The following TTC28 variants were observed in gnomAD, a reference collection of about 807,000 sequenced individuals.
TTC28 encodes the protein tetratricopeptide repeat protein 28.
TTC28 carries 61 observed loss-of-function variants against 198.0 expected under a neutral mutation model. That is an observed-to-expected ratio of 0.31 (90% CI 0.25 to 0.38). The LOEUF (loss-of-function observed/expected upper bound fraction) is 0.38, where lower values mean the gene tolerates loss of function less well. Among genes scored for constraint, TTC28 ranks in the 10% least tolerant of loss-of-function variants. TTC28 has a pLI of 1.00. For synonymous variants in TTC28, 1,171 were observed against 1,297.8 expected (o/e 0.90, Z 2.10); for missense variants, 2,678 against 3,164.0 (o/e 0.85, Z 3.69).
At chr22:28,180,524 A>G (rs1255281481) in intron 5 of TTC28, among the ~76,000 whole-genome samples, 1 of 152,206 alleles carries the variant, frequency 6.6e-6, no homozygotes, top group East Asian at 1.9e-4. Context: ...GCTTGTGACC[A>G]GATGCAGAGC....
At chr22:28,599,053 T>C (rs1170232865) in intron 2 of TTC28, among the ~76,000 whole-genome samples, 3 of 152,236 alleles carry the variant, frequency 2.0e-5, no homozygotes, top group Admixed American at 6.5e-5. Context: ...CTGTGCGCTA[T>C]ATAGTATAAA....
chr22:28,245,184 T>A (rs978400565), intron 5 of TTC28, among the ~76,000 whole-genome samples: 4 of 152,184 alleles, frequency 2.6e-5, no homozygotes, highest in African/African-American at 9.7e-5. Context: ...GGGATTCTGA[T>A]AATGTTTAGA....
intron 5 of TTC28, among the ~76,000 whole-genome samples, chr22:28,191,089 C>A (rs1029011460): frequency 6.6e-6 from 1 of 152,170 alleles, no homozygotes; most frequent in Non-Finnish European, 1.5e-5. Flanking sequence ...AGAACCTAGA[C>A]CTCCTGGCAT....
intron 6 of TTC28, among the ~76,000 whole-genome samples, chr22:28,123,322 C>T (rs1230198540): frequency 6.6e-6 from 1 of 152,012 alleles, no homozygotes. Context: ...ATGGCACGAT[C>T]GTGGCTCACT....
intron 5 of TTC28, among the ~76,000 whole-genome samples, chr22:28,220,105 T>C (rs1927736890): frequency 6.6e-6 from 1 of 152,306 alleles, no homozygotes; most frequent in East Asian, 1.9e-4. Context: ...ACCAATTCCA[T>C]GTAGAAAATA....
chr22:28,579,289 GTATA>G (rs1186943752), intron 2 of TTC28, among the ~76,000 whole-genome samples: 1 of 148,328 alleles, frequency 6.7e-6, no homozygotes, highest in Non-Finnish European at 1.5e-5. Flanking sequence ...AACCATATAC[GTATA>G]TAGCTATATA....
At position 28,620,358 on chromosome 22, in the gene TTC28, A is replaced by AG. The variant is rs1483615148; in HGVS notation, c.381+9193_381+9194insC. On this transcript the variant is annotated intron_variant, in intron 2 of 22. Transcript: ENST00000397906. ...GAGCAAATCTCTGTCTCAAAAAAAAAAAAAGAAAGAAAGAAACAATAGCCA... is the reference window on the plus strand; with the variant it reads ...GAGCAAATCTCTGTCTCAAAAAAAAAGAAAAGAAAGAAAGAAACAATAGCCA... 7.9e-5 allele frequency among the ~76,000 whole-genome samples: 12 copies of AG among 151,900 alleles called. No homozygotes were observed. In the East Asian group the frequency reaches 1.4e-3, roughly 17 times the overall value.
intron 2 of TTC28, among the ~76,000 whole-genome samples, chr22:28,598,196 A>G (rs891134351): frequency 2.4e-4 from 37 of 151,914 alleles, no homozygotes; most frequent in African/African-American, 8.9e-4. Flanking sequence ...AACTGCAATA[A>G]CAAATATAAA....
intron 12 of TTC28, among the ~76,000 whole-genome samples, chr22:28,085,607 C>T (rs929787085): frequency 3.9e-5 from 6 of 152,072 alleles, no homozygotes; most frequent in African/African-American, 1.4e-4. Context: ...CATCAACTAA[C>T]CAGCAAAATA....
rs183109379 is a variant in TTC28 at position 28,185,262 on chromosome 22, C to T, written c.934-21663G>A. ...ATCTTGTCTGTCTACACAGAACTCA[C>T]GGTCCCTCAGATCTGCTCTTGTTCT... On this transcript the variant is annotated intron_variant, in intron 5 of 22. Transcript: ENST00000397906. Among the ~76,000 whole-genome samples, 158 of 152,208 alleles carry T rather than the reference C, an allele frequency of 1.0e-3. 1 individual carries two copies. Among genetic ancestry groups the T allele is most frequent in the African/African-American group, 3.5e-3 (145 of 41,536 alleles).
intron 5 of TTC28, among the ~76,000 whole-genome samples, chr22:28,295,345 C>A (rs904522756): frequency 6.6e-6 from 1 of 152,166 alleles, no homozygotes; most frequent in Non-Finnish European, 1.5e-5. Context: ...GTTGCCTCTG[C>A]TATTAACCTT....
At chr22:28,191,953 G>C (rs1376769770) in intron 5 of TTC28, among the ~76,000 whole-genome samples, 1 of 152,206 alleles carries the variant, frequency 6.6e-6, no homozygotes, top group Admixed American at 6.5e-5. Context: ...GGTTCTCCCA[G>C]CACGCAGCTG....
chr22:28,222,005 G>A (rs1048898006), intron 5 of TTC28, among the ~76,000 whole-genome samples: 1 of 152,134 alleles, frequency 6.6e-6, no homozygotes, highest in East Asian at 1.9e-4. Context: ...GTTAAATAAC[G>A]CTTTACTGAT....
Position 28,230,992 on chromosome 22 carries a change from T to C in TTC28, c.933+65206A>G, listed in dbSNP as rs1182929331. On this transcript the variant is annotated intron_variant, in intron 5 of 22. Coordinates refer to ENST00000397906, the MANE Select transcript of TTC28 (RefSeq NM_001145418.2). ...TTTTATGGGTATGAATTATAATAAATACTAGTATATAACTTGGGTGATGCC... is the reference window on the plus strand; with the variant it reads ...TTTTATGGGTATGAATTATAATAAACACTAGTATATAACTTGGGTGATGCC... 1.0e-3 allele frequency among the ~76,000 whole-genome samples: 154 copies of C among 152,348 alleles called. 1 individual carries two copies. The highest frequency in any genetic ancestry group is 1.5e-4 in the Non-Finnish European group (10 of 68,032).
At chr22:28,098,490 T>C (rs974346858) in intron 10 of TTC28, among the ~76,000 whole-genome samples, 11 of 152,086 alleles carry the variant, frequency 7.2e-5, no homozygotes, top group African/African-American at 2.2e-4. Flanking sequence ...GGCAGGAGCA[T>C]TGCCTGAGCC....
chr22:28,282,815 T>A (rs1413186127), intron 5 of TTC28, among the ~76,000 whole-genome samples: 1 of 151,810 alleles, frequency 6.6e-6, no homozygotes. Context: ...ATAGATGGAG[T>A]GATGATAAAG....
chr22:28,255,034 C>G (rs1361481294), intron 5 of TTC28, among the ~76,000 whole-genome samples: 2 of 152,116 alleles, frequency 1.3e-5, no homozygotes, highest in African/African-American at 2.4e-5. Context: ...TACAGGATCT[C>G]AAACCACAAA....
intron 1 of TTC28, among the ~76,000 whole-genome samples, chr22:28,654,160 A>G (rs2051607381): frequency 6.6e-6 from 1 of 152,106 alleles, no homozygotes; most frequent in African/African-American, 2.4e-5. Flanking sequence ...CCATTTCTCC[A>G]TTTAAAAGCC....
At chr22:28,617,618 C>T (rs1412331405) in intron 2 of TTC28, among the ~76,000 whole-genome samples, 2 of 152,146 alleles carry the variant, frequency 1.3e-5, no homozygotes, top group East Asian at 3.8e-4. Context: ...ACAAATTCTT[C>T]CTCTTCTGCT....
Sources: gnomAD v4.1 joint callset for allele counts (sites outside exome capture counted in the v4.1 genomes callset) on GRCh38, gnomAD v4.1.1 for gene constraint, MANE v1.5 for transcripts, NCBI Gene and HGNC (gene_info 2026-07-23, HGNC 2026-07-21) for gene names.